The following CDH9 variants were observed in gnomAD, a reference collection of about 807,000 sequenced individuals.
CDH9 encodes the protein cadherin 9.
In CDH9, 28 loss-of-function variants were observed where a neutral mutation model predicts 70.9. The observed-to-expected ratio is 0.40, with a 90% CI of 0.29 to 0.54. The LOEUF is 0.54. Ranked by LOEUF, CDH9 falls within the 20% of genes least tolerant of loss-of-function variation. The pLI, the probability that CDH9 is intolerant of heterozygous loss-of-function variation, is 0.59. For missense variants in CDH9, 874 were observed against 984.4 expected, an observed-to-expected ratio of 0.89 and a Z score of 1.50; for synonymous variants, 409 against 343.1, an observed-to-expected ratio of 1.19 and a Z score of -2.12.
intron 2 of CDH9, among the ~76,000 whole-genome samples, chr5:26,950,585 CTGCTGCATCAG>C (rs1741828082): frequency 1.3e-5 from 2 of 152,046 alleles, no homozygotes; most frequent in African/African-American, 4.8e-5. Context: ...ACATCAGTTC[CTGCTGCATCAG>C]TGACGATTTT....
chr5:27,018,710 C>G (rs1271048038), intron 1 of CDH9, among the ~76,000 whole-genome samples: 2 of 151,764 alleles, frequency 1.3e-5, no homozygotes, highest in Non-Finnish European at 2.9e-5. Flanking sequence ...TCTAGTCTTA[C>G]AATCTGAGAA....
At chr5:27,012,790 T>C (rs1275763277) in intron 1 of CDH9, among the ~76,000 whole-genome samples, 2 of 152,038 alleles carry the variant, frequency 1.3e-5, no homozygotes, top group Non-Finnish European at 2.9e-5. Flanking sequence ...CAATCACTTA[T>C]TAGAACTCAG....
intron 2 of CDH9, among the ~76,000 whole-genome samples, chr5:26,943,752 CACAA>C (rs1329797705): frequency 4.6e-5 from 7 of 152,222 alleles, no homozygotes; most frequent in African/African-American, 1.4e-4. Context: ...ATGCATGATA[CACAA>C]GCATACTTTC....
At chr5:26,982,750 C>T (rs1742420639) in intron 2 of CDH9, among the ~76,000 whole-genome samples, 1 of 151,898 alleles carries the variant, frequency 6.6e-6, no homozygotes. Flanking sequence ...TCTCGGCTCA[C>T]TGGCTCACTG....
At chr5:26,886,268 C>T (rs1056126787) in intron 9 of CDH9, among the ~76,000 whole-genome samples, 185 bp from the exon 10 acceptor site, 1 of 152,026 alleles carries the variant, frequency 6.6e-6, no homozygotes, top group African/African-American at 2.4e-5. Flanking sequence ...TCTTAGATAA[C>T]TTATTTAGTT....
intron 1 of CDH9, among the ~76,000 whole-genome samples, chr5:27,029,139 G>A (rs553596046): frequency 3.3e-5 from 5 of 151,504 alleles, no homozygotes; most frequent in African/African-American, 4.8e-5. Flanking sequence ...TTTTCTATAC[G>A]AAGCTTTTGG....
chr5:27,007,934 G>T (rs1326786951), intron 1 of CDH9, among the ~76,000 whole-genome samples: 2 of 151,746 alleles, frequency 1.3e-5, no homozygotes, highest in Non-Finnish European at 2.9e-5. Flanking sequence ...TTAAATTTAT[G>T]GGCTCCATGT....
intron 2 of CDH9, among the ~76,000 whole-genome samples, chr5:26,957,117 T>C (rs367919274): frequency 6.6e-6 from 1 of 151,732 alleles, no homozygotes; most frequent in East Asian, 1.9e-4. Context: ...TATGATAGAA[T>C]ATACCCCTGA....
chr5:26,929,279 C>G (rs1433787211), intron 2 of CDH9, among the ~76,000 whole-genome samples: 1 of 151,934 alleles, frequency 6.6e-6, no homozygotes, highest in Non-Finnish European at 1.5e-5. Flanking sequence ...CAAATCAAAC[C>G]TACAATGACA....
At chr5:26,969,800 C>T (rs1175231) in intron 2 of CDH9, among the ~76,000 whole-genome samples, 149,083 of 151,732 alleles carry the variant, frequency 0.98, 73,306 homozygotes, top group Middle Eastern at 1. Flanking sequence ...TTTTCCTTGT[C>T]TTATTGAAAA....
chr5:26,988,257 T>C lies in CDH9; in HGVS notation c.77A>G (p.Glu26Gly). Residue 26 changes from glutamate to glycine, a missense_variant, in exon 2 of 12, where the codon GAA becomes GGA. By Grantham distance (98) the Glu-to-Gly change is moderately conservative. Coordinates refer to ENST00000231021, the MANE Select transcript of CDH9 (RefSeq NM_016279.4). ...FHTVDTILLQ[E>G]KPNSYLSSKK... is the part of the protein sequence containing the mutation. ...GCTTGATAAATAACTGTTAGGTTTT[T>C]CTTGTAATAGGATGGTGTCAACTGT... 6.2e-7 allele frequency: 1 copy of C among 1,613,470 alleles called. No homozygotes were observed.
At chr5:27,000,376 T>C (rs1742743137) in intron 1 of CDH9, among the ~76,000 whole-genome samples, 1 of 152,144 alleles carries the variant, frequency 6.6e-6, no homozygotes, top group African/African-American at 2.4e-5. Context: ...AATGCTGTCA[T>C]AGATATGGAG....
intron 2 of CDH9, among the ~76,000 whole-genome samples, chr5:26,966,467 T>C (rs148556373): frequency 2.2e-4 from 33 of 152,358 alleles, no homozygotes; most frequent in African/African-American, 7.9e-4. Flanking sequence ...CTTGTAATTA[T>C]ATTTGCAAAT....
intron 7 of CDH9, among the ~76,000 whole-genome samples, chr5:26,900,376 A>G (rs972325069): frequency 3.3e-5 from 5 of 152,066 alleles, no homozygotes; most frequent in African/African-American, 9.7e-5. Context: ...AGACAAAAAC[A>G]TTACAGAAAA....
chr5:26,923,059 T>G lies in CDH9; in HGVS notation c.229-7135A>C, dbSNP rs528922004. On this transcript the variant is annotated intron_variant, in intron 2 of 11. Transcript: ENST00000231021. ...CCCTCCTATCTAAGACATAGTGTAG[T>G]TACATGAATTAAAAAAAAAAAAAAA... 1.7e-3 allele frequency among the ~76,000 whole-genome samples: 221 copies of G among 126,424 alleles called. 1 individual carries two copies. The highest frequency in any genetic ancestry group is 5.8e-3 in the African/African-American group (198 of 34,162). 82.9% of individuals were successfully genotyped at this position (126,424 alleles called of 152,430 possible).
At chr5:26,973,656 T>C (rs1386769187) in intron 2 of CDH9, among the ~76,000 whole-genome samples, 2 of 152,184 alleles carry the variant, frequency 1.3e-5, no homozygotes, top group African/African-American at 4.8e-5. Flanking sequence ...TCTCGCTCTC[T>C]GCCCTGATAC....
chr5:26,923,938 T>C (rs953316758), intron 2 of CDH9, among the ~76,000 whole-genome samples: 1 of 151,972 alleles, frequency 6.6e-6, no homozygotes, highest in African/African-American at 2.4e-5. Flanking sequence ...TAAGCACTTA[T>C]ATCAAAAAAG....
At chr5:27,001,588 T>C (rs555425454) in intron 1 of CDH9, among the ~76,000 whole-genome samples, 4 of 152,250 alleles carry the variant, frequency 2.6e-5, no homozygotes, top group African/African-American at 9.6e-5. Context: ...TATTTATAGA[T>C]ATGTATATTT....
intron 2 of CDH9, among the ~76,000 whole-genome samples, chr5:26,940,521 G>A (rs981134152): frequency 6.9e-6 from 1 of 144,222 alleles, no homozygotes; most frequent in African/African-American, 3.0e-5. Flanking sequence ...GTTATAAAAG[G>A]TTATAAAAAG....
Sources: gnomAD v4.1 joint callset for allele counts (sites outside exome capture counted in the v4.1 genomes callset) on GRCh38, gnomAD v4.1.1 for gene constraint, MANE v1.5 for transcripts, NCBI Gene and HGNC (gene_info 2026-07-23, HGNC 2026-07-21) for gene names.